CTNNA3: variants seen among roughly 807,000 people sequenced by gnomAD.
CTNNA3 encodes catenin alpha 3.
Under a neutral mutation model 95.7 loss-of-function variants are expected in CTNNA3, and 76 were observed. That is an observed-to-expected ratio of 0.79 (90% CI 0.66 to 0.96). CTNNA3 has a LOEUF of 0.96. CTNNA3 is among the 40% of genes least tolerant of loss of function. The pLI is 0.00. For missense variants in CTNNA3, 1,191 were observed against 1,089.8 expected, an observed-to-expected ratio of 1.09 and a Z score of -1.31; for synonymous variants, 431 against 374.4, an observed-to-expected ratio of 1.15 and a Z score of -1.74.
chr10:66,986,840 G>A (rs1564814180), intron 7 of CTNNA3, among the ~76,000 whole-genome samples: 1 of 152,122 alleles, frequency 6.6e-6, no homozygotes, highest in Non-Finnish European at 1.5e-5. Flanking sequence ...TTTAACAGAT[G>A]TTTATTGAAC....
At chr10:67,454,864 T>A (rs1448269350) in intron 5 of CTNNA3, among the ~76,000 whole-genome samples, 2 of 152,156 alleles carry the variant, frequency 1.3e-5, no homozygotes, top group African/African-American at 2.4e-5. Context: ...AAAATATAAT[T>A]CAATCTATTT....
chr10:66,489,659 C>G (rs1462596195), intron 11 of CTNNA3, among the ~76,000 whole-genome samples: 1 of 152,182 alleles, frequency 6.6e-6, no homozygotes, highest in Non-Finnish European at 1.5e-5. Flanking sequence ...AGCCTTCCCT[C>G]TCCTTTACTC....
chr10:67,632,400 A>G (rs1839174649), intron 2 of CTNNA3, among the ~76,000 whole-genome samples: 1 of 152,018 alleles, frequency 6.6e-6, no homozygotes. Flanking sequence ...CGGCACCAAG[A>G]TGGACAATTA....
At chr10:67,526,199 A>G (rs1840138975) in intron 4 of CTNNA3, among the ~76,000 whole-genome samples, 1 of 152,228 alleles carries the variant, frequency 6.6e-6, no homozygotes, top group Non-Finnish European at 1.5e-5. Context: ...AAAATAAAGT[A>G]TTACAGAGAA....
intron 1 of CTNNA3, among the ~76,000 whole-genome samples, chr10:67,730,407 A>G (rs1325154352): frequency 6.6e-6 from 1 of 152,094 alleles, no homozygotes; most frequent in Non-Finnish European, 1.5e-5. Context: ...AAACACATCC[A>G]AGAATAAAGA....
In CTNNA3 at chr10:66,686,199, T is replaced by C. The variant is rs754820916; in HGVS notation, c.1282-64415A>G. On this transcript the variant is annotated intron_variant, in intron 9 of 17. Transcript: ENST00000433211. ...TTTTTCTATATATCTCAGCTCTGCC[T>C]CATGCTATGTTTATTTAATTCTTGA... Among the ~76,000 whole-genome samples the C allele has an allele frequency of 3.9e-4, 59 of 152,318 alleles. 1 individual carries two copies. In the Middle Eastern group the frequency reaches 0.014, roughly 35 times the overall value.
At chr10:66,942,652 C>G (rs1166179675) in intron 7 of CTNNA3, among the ~76,000 whole-genome samples, 1 of 151,570 alleles carries the variant, frequency 6.6e-6, no homozygotes, top group Non-Finnish European at 1.5e-5. Flanking sequence ...TCTCCTTCCT[C>G]ACTTTCTCAC....
At chr10:67,743,879 T>C (rs1841358354) in intron 1 of CTNNA3, among the ~76,000 whole-genome samples, 1 of 151,010 alleles carries the variant, frequency 6.6e-6, no homozygotes. Flanking sequence ...GAGAGCCAAA[T>C]CATGAGTGAA....
chr10:67,569,752 T>C (rs1005997663), intron 3 of CTNNA3, among the ~76,000 whole-genome samples: 12 of 152,110 alleles, frequency 7.9e-5, no homozygotes, highest in Non-Finnish European at 1.8e-4. Context: ...GGGGGAGGAA[T>C]AAAAATCTTA....
At chr10:67,267,318 CTG>C (rs142961666) in intron 5 of CTNNA3, among the ~76,000 whole-genome samples, 2 of 151,620 alleles carry the variant, frequency 1.3e-5, no homozygotes, top group African/African-American at 2.4e-5. Flanking sequence ...GGAAGAAGTT[CTG>C]TGTGTGTGTG....
chr10:66,219,261 T>A (rs915871120), intron 13 of CTNNA3, among the ~76,000 whole-genome samples: 2 of 152,068 alleles, frequency 1.3e-5, no homozygotes, highest in African/African-American at 4.8e-5. Context: ...AGGGTGAGTG[T>A]GTTTTCAGTG....
chr10:66,692,769 A>G (rs1847600467), intron 9 of CTNNA3, among the ~76,000 whole-genome samples: 1 of 152,214 alleles, frequency 6.6e-6, no homozygotes, highest in South Asian at 2.1e-4. Context: ...ATCTCTTGGC[A>G]GAAACTCTAC....
chr10:65,992,729 T>G (rs1385028835), intron 15 of CTNNA3, among the ~76,000 whole-genome samples: 1 of 152,228 alleles, frequency 6.6e-6, no homozygotes, highest in African/African-American at 2.4e-5. Context: ...TTTTAGTCTC[T>G]GTATCATTTA....
intron 13 of CTNNA3, among the ~76,000 whole-genome samples, chr10:66,207,348 T>C (rs1164077870): frequency 1.3e-5 from 2 of 151,904 alleles, no homozygotes; most frequent in Non-Finnish European, 2.9e-5. Context: ...AGAAGAGATA[T>C]TTACTGTATG....
intron 9 of CTNNA3, among the ~76,000 whole-genome samples, chr10:66,682,282 C>A (rs747895682): frequency 1.3e-5 from 2 of 152,054 alleles, no homozygotes; most frequent in African/African-American, 2.4e-5. Context: ...ATTTCTTGAG[C>A]TTTCCCCAAA....
chr10:65,998,664 T>C (rs577422065), intron 15 of CTNNA3, among the ~76,000 whole-genome samples: 48 of 152,254 alleles, frequency 3.2e-4, no homozygotes, highest in African/African-American at 1.1e-3. Flanking sequence ...GAGGCCAAAA[T>C]ACAGTTGCTT....
chr10:66,757,274 T>TGATA (rs1461406859), intron 9 of CTNNA3, among the ~76,000 whole-genome samples: 1 of 151,962 alleles, frequency 6.6e-6, no homozygotes, highest in Admixed American at 6.6e-5. Context: ...TGATAGGGAG[T>TGATA]GGCAACTCTA....
At chr10:67,208,660 A>G (rs1864010067) in intron 6 of CTNNA3, among the ~76,000 whole-genome samples, 1 of 152,194 alleles carries the variant, frequency 6.6e-6, no homozygotes, top group Admixed American at 6.5e-5. Context: ...GTCTCTGCCT[A>G]GAAAAGCGTC....
chr10:66,346,481 G>A (rs1486024368), intron 12 of CTNNA3, among the ~76,000 whole-genome samples: 3 of 152,060 alleles, frequency 2.0e-5, no homozygotes, highest in South Asian at 2.1e-4. Flanking sequence ...GCTTCACCAT[G>A]TTGGCCTGGA....
Sources: gnomAD v4.1 joint callset for allele counts (sites outside exome capture counted in the v4.1 genomes callset) on GRCh38, gnomAD v4.1.1 for gene constraint, MANE v1.5 for transcripts, NCBI Gene and HGNC (gene_info 2026-07-23, HGNC 2026-07-21) for gene names.